KIFC3: variants seen among roughly 807,000 people sequenced by gnomAD.
KIFC3 encodes the protein kinesin family member C3.
Under a neutral mutation model 101.8 loss-of-function variants are expected in KIFC3, and 60 were observed. That is an observed-to-expected ratio of 0.59 (90% CI 0.48 to 0.73). The LOEUF is 0.73. Among genes scored for constraint, KIFC3 ranks in the 30% least tolerant of loss-of-function variants. The pLI is 0.00. For synonymous variants in KIFC3, 476 were observed against 482.7 expected, an observed-to-expected ratio of 0.99 and a Z score of 0.18; for missense variants, 966 against 1,137.1, an observed-to-expected ratio of 0.85 and a Z score of 2.16.
intron 2 of KIFC3, among the ~76,000 whole-genome samples, chr16:57,797,027 T>C (rs1555623318): frequency 6.6e-6 from 1 of 152,218 alleles, no homozygotes; most frequent in Non-Finnish European, 1.5e-5. Context: ...ATCCCCAGCC[T>C]GGCTGTGCTG....
intron 1 of KIFC3, among the ~76,000 whole-genome samples, chr16:57,860,092 T>TAAAATAAAATAAAAA (rs1555485107): frequency 3.1e-5 from 4 of 127,234 alleles, no homozygotes; most frequent in Non-Finnish European, 5.4e-5. Flanking sequence ...TAAAATAAAA[T>TAAAATAAAATAAAAA]AAAAACAAGT....
At chr16:57,857,096 C>T (rs1425284986) in intron 1 of KIFC3, among the ~76,000 whole-genome samples, 7 of 152,160 alleles carry the variant, frequency 4.6e-5, no homozygotes, top group Non-Finnish European at 8.8e-5. Context: ...AATCCACCTG[C>T]AAAAGATACA....
intron 1 of KIFC3, among the ~76,000 whole-genome samples, chr16:57,845,083 G>A (rs953934476): frequency 6.6e-6 from 1 of 152,024 alleles, no homozygotes; most frequent in Non-Finnish European, 1.5e-5. Context: ...TATCCAAGTG[G>A]GCATTCAAGA....
In KIFC3 at chr16:57,762,120, G is replaced by A. The variant is rs545686061; in HGVS notation, c.1748+20C>T. ...CAAAGCTGCCCCTGAGGCCTGCTCC[G>A]CACACCCTGGGGCTCCCACCTGAGG... On this transcript the variant is annotated intron_variant, in intron 13 of 19. Coordinates refer to ENST00000445690, the MANE Select transcript of KIFC3 (RefSeq NM_001130100.2). 2.8e-5 allele frequency: 44 copies of A among 1,573,786 alleles called. No homozygotes were observed. The highest frequency in any genetic ancestry group is 1.8e-4 in the Middle Eastern group (1 of 5,506).
At chr16:57,792,865 C>CAAAA (rs35129462) in intron 3 of KIFC3, among the ~76,000 whole-genome samples, 1 of 38,420 alleles carries the variant, frequency 2.6e-5, no homozygotes, top group African/African-American at 8.8e-5. Context: ...AGACCTTGCT[C>CAAAA]AAAAAAAAAA....
At chr16:57,793,996 G>A (rs2054097969) in intron 3 of KIFC3, among the ~76,000 whole-genome samples, 1 of 152,120 alleles carries the variant, frequency 6.6e-6, no homozygotes, top group Admixed American at 6.5e-5. Flanking sequence ...TTGAATGGTC[G>A]AATATGTGAC....
intron 1 of KIFC3, among the ~76,000 whole-genome samples, chr16:57,814,597 C>A (rs1035478915): frequency 6.6e-6 from 1 of 152,090 alleles, no homozygotes; most frequent in East Asian, 1.9e-4. Flanking sequence ...GAAACTGTCA[C>A]TGTCATTAGG....
rs782093626 is a variant in KIFC3 at position 57,765,522 on chromosome 16, G to A, written c.1449C>T (p.His483=). The change falls in exon 11 of 20, where the codon CAC becomes CAT. Residue 483 remains histidine, a synonymous_variant. Coordinates refer to ENST00000445690, the MANE Select transcript of KIFC3 (RefSeq NM_001130100.2). ...ADDDSIIHLL[H]KGKPVSFELD... ...GCTCGAAGGACACAGGCTTGCCCTT[G>A]TGCAGCAGGTGGATGATGGAGTCGT... The A allele has an allele frequency of 2.5e-6, 4 of 1,593,632 alleles. No individual in the cohort carries two copies. In the South Asian group the frequency reaches 3.4e-5, roughly 14 times the overall value.
intron 1 of KIFC3, among the ~76,000 whole-genome samples, chr16:57,847,874 C>A (rs1206472307): frequency 6.6e-6 from 1 of 151,770 alleles, no homozygotes; most frequent in Admixed American, 6.6e-5. Context: ...CAACCTCTGC[C>A]TCCGAGATTC....
chr16:57,847,708 G>A (rs1462378540), intron 1 of KIFC3, among the ~76,000 whole-genome samples: 1 of 151,058 alleles, frequency 6.6e-6, no homozygotes, highest in Non-Finnish European at 1.5e-5. Flanking sequence ...TTTCCCTTTG[G>A]CCTTATTGTT....
intron 1 of KIFC3, among the ~76,000 whole-genome samples, chr16:57,814,343 T>C (rs2055167163): frequency 6.6e-6 from 1 of 152,192 alleles, no homozygotes; most frequent in Non-Finnish European, 1.5e-5. Context: ...CACCTAGCAC[T>C]GGATTCACAA....
chr16:57,827,649 C>T (rs2055487576), intron 1 of KIFC3, among the ~76,000 whole-genome samples: 1 of 152,170 alleles, frequency 6.6e-6, no homozygotes, highest in Admixed American at 6.6e-5. Context: ...AAGTCACCCC[C>T]TTGGGCTTAA....
chr16:57,799,811 AC>A (rs2054603705), intron 1 of KIFC3, among the ~76,000 whole-genome samples: 1 of 152,182 alleles, frequency 6.6e-6, no homozygotes, highest in African/African-American at 2.4e-5. Context: ...TTCAGAAGTG[AC>A]TGAAGTGTAA....
In KIFC3 at chr16:57,794,584, T is replaced by C. The variant is rs564001807; in HGVS notation, c.315+415A>G. ...CTGCAAGGGAGAAGACCCCAAGTTT[T>C]AGTGAATCCTCCATCTAGCTTTGAA... On this transcript the variant is annotated intron_variant, in intron 3 of 19. Coordinates refer to ENST00000445690, the MANE Select transcript of KIFC3 (RefSeq NM_001130100.2). 4.0e-3 allele frequency among the ~76,000 whole-genome samples: 603 copies of C among 152,314 alleles called. 1 individual carries two copies. Among genetic ancestry groups the C allele is most frequent in the Non-Finnish European group, 5.8e-3 (395 of 68,038 alleles).
chr16:57,858,614 CT>C (rs371219838), intron 1 of KIFC3, among the ~76,000 whole-genome samples: 39 of 151,180 alleles, frequency 2.6e-4, no homozygotes, highest in African/African-American at 5.1e-4. Flanking sequence ...ACAAACATAG[CT>C]TTTTTTTTAA....
At chr16:57,839,609 T>C (rs774848822) in intron 1 of KIFC3, among the ~76,000 whole-genome samples, 10 of 152,134 alleles carry the variant, frequency 6.6e-5, no homozygotes, top group Non-Finnish European at 1.5e-4. Context: ...CTCAAAAAAA[T>C]CCTGTAAATT....
At chr16:57,828,409 G>T (rs1329001479) in intron 1 of KIFC3, among the ~76,000 whole-genome samples, 10 of 152,266 alleles carry the variant, frequency 6.6e-5, no homozygotes, top group African/African-American at 2.4e-4. Context: ...AGGCCTGTGT[G>T]CAGATGTGGC....
At chr16:57,843,455 C>A (rs911644804) in intron 1 of KIFC3, among the ~76,000 whole-genome samples, 1 of 152,178 alleles carries the variant, frequency 6.6e-6, no homozygotes, top group Non-Finnish European at 1.5e-5. Context: ...CAGTGACTTG[C>A]TCAAGGCCCT....
Position 57,761,082 on chromosome 16 carries a change from C to G in KIFC3, c.1962G>C (p.Thr654=). Residue 654 remains threonine (T), a synonymous_variant, in exon 15 of 20, where the codon ACG becomes ACC. Coordinates refer to ENST00000445690, the MANE Select transcript of KIFC3 (RefSeq NM_001130100.2). Reference sequence around the variant, plus strand: ...CTGTGCTGCAGTCCACGCCTCGCACCGTCACGATGAGCAGCGCGTGCGAGC... The same window carrying G: ...CTGTGCTGCAGTCCACGCCTCGCACGGTCACGATGAGCAGCGCGTGCGAGC... The part of the protein sequence containing the change: ...SSRSHALLIV[T]VRGVDCSTGL... 1 of 1,613,476 alleles carries G rather than the reference C, an allele frequency of 6.2e-7. No homozygotes were observed. The highest frequency in any genetic ancestry group is 8.5e-7 in the Non-Finnish European group (1 of 1,179,800).
Sources: gnomAD v4.1 joint callset for allele counts (sites outside exome capture counted in the v4.1 genomes callset) on GRCh38, gnomAD v4.1.1 for gene constraint, MANE v1.5 for transcripts, NCBI Gene and HGNC (gene_info 2026-07-23, HGNC 2026-07-21) for gene names.